RORA: variants seen among roughly 807,000 people sequenced by gnomAD.
The protein encoded by RORA is RAR related orphan receptor A, also known as nuclear receptor ROR-alpha.
RORA carries 7 observed loss-of-function variants against 69.5 expected under a neutral mutation model. The observed-to-expected ratio is 0.10, with a 90% confidence interval of 0.06 to 0.19. The LOEUF (loss-of-function observed/expected upper bound fraction) is 0.19. Ranked by LOEUF, RORA falls within the 10% of genes least tolerant of loss-of-function variation. The pLI is 1.00. For missense variants in RORA, 457 were observed against 663.0 expected (o/e 0.69, Z 3.41); for synonymous variants, 261 against 240.8 (o/e 1.08, Z -0.78).
intron 1 of RORA, among the ~76,000 whole-genome samples, chr15:60,849,863 A>G (rs79565156): frequency 6.6e-6 from 1 of 152,142 alleles, no homozygotes; most frequent in South Asian, 2.1e-4. Flanking sequence ...AGGAGGAGGC[A>G]TCTTGCACAC....
intron 1 of RORA, among the ~76,000 whole-genome samples, chr15:61,115,724 A>G (rs1377585252): frequency 6.6e-6 from 1 of 152,184 alleles, no homozygotes; most frequent in Non-Finnish European, 1.5e-5. Context: ...TTTCAGCATC[A>G]CAATTTTTCT....
intron 1 of RORA, among the ~76,000 whole-genome samples, chr15:60,852,916 G>A (rs1394227936): frequency 6.6e-6 from 1 of 152,142 alleles, no homozygotes; most frequent in African/African-American, 2.4e-5. Flanking sequence ...AATATGAGAA[G>A]GAAACATGGG....
intron 1 of RORA, among the ~76,000 whole-genome samples, chr15:61,096,731 G>A (rs978382443): frequency 4.6e-5 from 7 of 152,144 alleles, no homozygotes; most frequent in Non-Finnish European, 1.0e-4. Context: ...CCTAGGGAAG[G>A]CAGCTCAGAG....
chr15:60,864,554 G>C (rs1676531205), intron 1 of RORA, among the ~76,000 whole-genome samples: 1 of 151,502 alleles, frequency 6.6e-6, no homozygotes, highest in Non-Finnish European at 1.5e-5. Context: ...TTTGTCCCAA[G>C]GCCAGTAGAA....
chr15:60,995,001 T>C lies in RORA; in HGVS notation c.166+234052A>G, dbSNP rs555922456. On this transcript the variant is annotated intron_variant, in intron 1 of 10. Coordinates refer to ENST00000335670, the MANE Select transcript of RORA (RefSeq NM_134261.3). ...GGCCTAATTACAAGGGAGGAGTGTCTCTCTACAGACAGGTCACTGGAAGGA... is the reference window on the plus strand; with the variant it reads ...GGCCTAATTACAAGGGAGGAGTGTCCCTCTACAGACAGGTCACTGGAAGGA... Among the ~76,000 whole-genome samples the C allele has an allele frequency of 2.6e-5, 4 of 152,098 alleles. 1 individual carries two copies. Among genetic ancestry groups the C allele is most frequent in the African/African-American group, 9.6e-5 (4 of 41,492 alleles).
At chr15:60,912,301 C>T (rs1028925611) in intron 1 of RORA, among the ~76,000 whole-genome samples, 5 of 151,986 alleles carry the variant, frequency 3.3e-5, no homozygotes, top group Non-Finnish European at 5.9e-5. Context: ...CTGCATCTGT[C>T]GTTCTAGCTA....
At chr15:61,138,394 G>A (rs1202338438) in intron 1 of RORA, among the ~76,000 whole-genome samples, 1 of 152,028 alleles carries the variant, frequency 6.6e-6, no homozygotes, top group East Asian at 1.9e-4. Flanking sequence ...AAAAATATTC[G>A]GAGAGCAGAC....
At chr15:61,188,601 T>C (rs2079767169) in intron 1 of RORA, among the ~76,000 whole-genome samples, 1 of 151,978 alleles carries the variant, frequency 6.6e-6, no homozygotes, top group Non-Finnish European at 1.5e-5. Context: ...CCTCACATTG[T>C]CTGAGTAACA....
intron 2 of RORA, among the ~76,000 whole-genome samples, chr15:60,578,131 T>G (rs1373154305): frequency 6.6e-6 from 1 of 152,214 alleles, no homozygotes; most frequent in African/African-American, 2.4e-5. Context: ...ATCACTGACT[T>G]TTTGTACTTT....
chr15:61,156,819 A>G (rs953308603), intron 1 of RORA, among the ~76,000 whole-genome samples: 4 of 152,206 alleles, frequency 2.6e-5, no homozygotes, highest in Admixed American at 6.5e-5. Flanking sequence ...GTACTGGCCC[A>G]TATCAAGGAT....
chr15:61,202,050 G>A (rs978142512), intron 1 of RORA, among the ~76,000 whole-genome samples: 2 of 148,552 alleles, frequency 1.3e-5, no homozygotes, highest in African/African-American at 2.5e-5. Flanking sequence ...CTCTGTTGCC[G>A]AGGCTGGAGT....
At chr15:60,956,451 A>G (rs544361687) in intron 1 of RORA, among the ~76,000 whole-genome samples, 13 of 152,336 alleles carry the variant, frequency 8.5e-5, no homozygotes, top group African/African-American at 3.1e-4. Flanking sequence ...CTAGAAAACA[A>G]TGACAATTTA....
intron 2 of RORA, among the ~76,000 whole-genome samples, chr15:60,544,420 T>A (rs199694100): frequency 2.3e-5 from 1 of 43,024 alleles, no homozygotes; most frequent in Admixed American, 4.2e-4. Flanking sequence ...AGAATAAAAG[T>A]TCTGGCAGCT....
At chr15:61,161,909 G>C (rs745802507) in intron 1 of RORA, among the ~76,000 whole-genome samples, 1 of 152,156 alleles carries the variant, frequency 6.6e-6, no homozygotes, top group Non-Finnish European at 1.5e-5. Context: ...ACTATGAACT[G>C]TATATGCAGC....
At position 60,857,097 on chromosome 15, in the gene RORA, C is replaced by G. The variant is rs11638466; in HGVS notation, c.167-178411G>C. Among the ~76,000 whole-genome samples the G allele has an allele frequency of 9.0e-3, 1,375 of 152,256 alleles. 12 individuals carry two copies. Among genetic ancestry groups the G allele is most frequent in the Non-Finnish European group, 0.014 (954 of 68,014 alleles). The stretch of plus-strand genomic sequence containing the variant: ...GGAGAGCATCCAGGGATGAATGATA[C>G]TTAGTTGGCACCTATAAGGACCTTG... On this transcript the variant is annotated intron_variant, in intron 1 of 10. Transcript: ENST00000335670.
At chr15:60,807,332 A>G (rs1043995926) in intron 1 of RORA, among the ~76,000 whole-genome samples, 1 of 152,164 alleles carries the variant, frequency 6.6e-6, no homozygotes, top group African/African-American at 2.4e-5. Flanking sequence ...ACAAAACAAA[A>G]CAAAACAAAA....
At chr15:60,858,187 G>C (rs757029071) in intron 1 of RORA, among the ~76,000 whole-genome samples, 1 of 152,178 alleles carries the variant, frequency 6.6e-6, no homozygotes, top group Non-Finnish European at 1.5e-5. Context: ...CACCATGTAT[G>C]AGCTGTGTTT....
intron 1 of RORA, among the ~76,000 whole-genome samples, chr15:61,109,706 C>T (rs977052703): frequency 2.0e-5 from 3 of 152,190 alleles, no homozygotes; most frequent in Admixed American, 1.3e-4. Context: ...TAAAAGCATG[C>T]GCTCTGAAAC....
At chr15:60,620,814 G>A (rs578005669) in intron 2 of RORA, among the ~76,000 whole-genome samples, 12 of 152,236 alleles carry the variant, frequency 7.9e-5, no homozygotes, top group East Asian at 5.8e-4. Flanking sequence ...GCACCCTGGC[G>A]CTGATGGCTG....
Sources: gnomAD v4.1 joint callset for allele counts (sites outside exome capture counted in the v4.1 genomes callset) on GRCh38, gnomAD v4.1.1 for gene constraint, MANE v1.5 for transcripts, NCBI Gene and HGNC (gene_info 2026-07-23, HGNC 2026-07-21) for gene names.